CDC14A: variants seen among roughly 807,000 people sequenced by gnomAD.
The protein encoded by CDC14A is dual specificity protein phosphatase CDC14A.
In CDC14A, 53 loss-of-function variants were observed where a neutral mutation model predicts 74.4. The observed-to-expected ratio is 0.71, with a 90% CI of 0.57 to 0.89. The LOEUF is 0.89. Among genes scored for constraint, CDC14A ranks in the 40% least tolerant of loss-of-function variants. The pLI is 0.00. For missense variants in CDC14A, 646 were observed against 713.7 expected (o/e 0.91, Z 1.08); for synonymous variants, 247 against 258.4 (o/e 0.96, Z 0.43).
In CDC14A at chr1:100,465,252, C is replaced by T. The variant is rs546788786; in HGVS notation, c.838+2371C>T. On this transcript the variant is annotated intron_variant, in intron 9 of 15. Coordinates refer to ENST00000336454, the MANE Select transcript of CDC14A (RefSeq NM_003672.4). Reference sequence around the variant, plus strand: ...TGCGGGGATTACAGGTGTGAGCCACCGTACCCAGTCTGTATTGTAGATGTT... The same window carrying T: ...TGCGGGGATTACAGGTGTGAGCCACTGTACCCAGTCTGTATTGTAGATGTT... 3.2e-3 allele frequency among the ~76,000 whole-genome samples: 486 copies of T among 152,222 alleles called. 4 individuals carry two copies. The highest frequency in any genetic ancestry group is 0.011 in the African/African-American group (469 of 41,526).
At chr1:100,502,797 TTTG>T (rs1229780627) in intron 15 of CDC14A, among the ~76,000 whole-genome samples, 1 of 152,200 alleles carries the variant, frequency 6.6e-6, no homozygotes, top group Non-Finnish European at 1.5e-5. Flanking sequence ...CGTTCCGTAT[TTTG>T]TTATTTCTTT....
At chr1:100,366,566 T>C (rs2100913062) in intron 2 of CDC14A, among the ~76,000 whole-genome samples, 1 of 152,334 alleles carries the variant, frequency 6.6e-6, no homozygotes, top group South Asian at 2.1e-4. Context: ...GCCCAGCTTC[T>C]ATGTCCCTTC....
intron 2 of CDC14A, among the ~76,000 whole-genome samples, chr1:100,374,527 A>G (rs150730439): frequency 0.015 from 2,305 of 152,054 alleles, 59 homozygotes; most frequent in African/African-American, 0.053. Context: ...ATCTCATTGT[A>G]GTTTTGATTT....
chr1:100,403,485 G>T (rs1351348623), intron 4 of CDC14A, among the ~76,000 whole-genome samples: 1 of 152,138 alleles, frequency 6.6e-6, no homozygotes, highest in Non-Finnish European at 1.5e-5. Flanking sequence ...TGATTGCTCT[G>T]CATCTAGGCT....
chr1:100,359,944 C>CTT (rs750715999), intron 2 of CDC14A, among the ~76,000 whole-genome samples: 19 of 124,694 alleles, frequency 1.5e-4, no homozygotes, highest in African/African-American at 2.9e-4. Context: ...TCACCTTCTT[C>CTT]TTTTTTTTTT....
At chr1:100,350,615 C>T (rs553493362), upstream of CDC14A, among the ~76,000 whole-genome samples, 28 of 152,270 alleles carry the variant, frequency 1.8e-4, no homozygotes, top group Non-Finnish European at 3.4e-4. Context: ...TCTGGCTTCT[C>T]TGAAAGTGTA....
intron 13 of CDC14A, among the ~76,000 whole-genome samples, chr1:100,497,684 C>A (rs1057114155): frequency 2.0e-5 from 3 of 152,114 alleles, no homozygotes; most frequent in African/African-American, 4.8e-5. Context: ...GAATGAATAC[C>A]AGTGGCAAAG....
intron 4 of CDC14A, chr1:100,393,388 C>T (rs1213432837): frequency 8.2e-6 from 7 of 855,530 alleles, no homozygotes; most frequent in Non-Finnish European, 1.0e-5. Context: ...GAATTGTTTA[C>T]ACATTCTTGC....
intron 4 of CDC14A, among the ~76,000 whole-genome samples, chr1:100,405,535 TTCC>T (rs1267721432): frequency 6.6e-6 from 1 of 152,178 alleles, no homozygotes; most frequent in Non-Finnish European, 1.5e-5. Flanking sequence ...CCTGATGCTC[TTCC>T]TCCTCTGAGG....
chr1:100,437,910 C>A (rs995418683), intron 5 of CDC14A, among the ~76,000 whole-genome samples: 3 of 151,502 alleles, frequency 2.0e-5, no homozygotes, highest in African/African-American at 7.3e-5. Flanking sequence ...TTTTTACCCC[C>A]TTTTAAAAAA....
chr1:100,368,563 A>G (rs774277894), intron 2 of CDC14A, among the ~76,000 whole-genome samples: 3 of 152,190 alleles, frequency 2.0e-5, no homozygotes, highest in Non-Finnish European at 2.9e-5. Context: ...ATGAAACTGG[A>G]ATTTGATGAC....
intron 15 of CDC14A, among the ~76,000 whole-genome samples, chr1:100,501,455 G>A (rs183705729): frequency 4.6e-5 from 7 of 152,286 alleles, no homozygotes; most frequent in Admixed American, 2.0e-4. Context: ...TAGTGACGTC[G>A]TAGCCCTCGT....
chr1:100,390,156 G>A (rs766505200), intron 3 of CDC14A, among the ~76,000 whole-genome samples: 3 of 152,112 alleles, frequency 2.0e-5, no homozygotes, highest in Admixed American at 2.0e-4. Flanking sequence ...ATTGTAATGT[G>A]TTGTATTAAG....
intron 4 of CDC14A, among the ~76,000 whole-genome samples, chr1:100,417,056 T>C (rs951396042): frequency 5.9e-5 from 9 of 152,224 alleles, no homozygotes; most frequent in East Asian, 1.9e-4. Flanking sequence ...TACAGCCTAC[T>C]TGGGGAGACA....
In CDC14A at chr1:100,455,468, C is replaced by T. The variant is rs780549939; in HGVS notation, c.583C>T (p.His195Tyr). 1.3e-6 allele frequency: 2 copies of T among 1,592,416 alleles called. No homozygotes were observed. The highest frequency in any genetic ancestry group is 8.5e-7 in the Non-Finnish European group (1 of 1,172,480). Residue 195 changes from histidine to tyrosine, a missense_variant, in exon 8 of 16, where the codon CAT becomes TAT. Coordinates refer to ENST00000336454, the MANE Select transcript of CDC14A (RefSeq NM_003672.4). ...PGKFLAFSGP[H>Y]PKSKIENGYP... is the part of the protein sequence containing the mutation. ...AAAATTTTTAGCATTTAGTGGACCA[C>T]ATCCTAAAAGCAAAATTGAGAATGG... is the stretch of plus-strand genomic sequence containing the variant.
chr1:100,466,159 C>T (rs146814084), intron 9 of CDC14A, among the ~76,000 whole-genome samples: 41 of 152,138 alleles, frequency 2.7e-4, no homozygotes, highest in African/African-American at 8.9e-4. Flanking sequence ...GAACAGGAGC[C>T]TAAGTGAGGG....
At chr1:100,501,994 G>A (rs1159088945) in intron 15 of CDC14A, among the ~76,000 whole-genome samples, 1 of 152,174 alleles carries the variant, frequency 6.6e-6, no homozygotes, top group African/African-American at 2.4e-5. Context: ...TTAATTTCAA[G>A]TGATTGGGAG....
intron 10 of CDC14A, among the ~76,000 whole-genome samples, chr1:100,482,233 C>T (rs1453665137): frequency 6.6e-6 from 1 of 152,138 alleles, no homozygotes. Context: ...TCCTTCTCCT[C>T]TGTTCTCACT....
chr1:100,496,626 C>A (rs1488348931), intron 13 of CDC14A, among the ~76,000 whole-genome samples: 1 of 152,204 alleles, frequency 6.6e-6, no homozygotes, highest in Non-Finnish European at 1.5e-5. Context: ...AGAAGCTCTT[C>A]ACCTGCTGGT....
Sources: allele counts gnomAD v4.1 joint callset (sites outside exome capture counted in the v4.1 genomes callset), GRCh38; gene constraint gnomAD v4.1.1; transcripts MANE v1.5; gene names NCBI Gene and HGNC (gene_info 2026-07-23, HGNC 2026-07-21).